Variants in KAZN observed in about 807,000 individuals in gnomAD.
KAZN encodes the protein kazrin, periplakin interacting protein.
KAZN carries 40 observed loss-of-function variants against 87.4 expected under a neutral mutation model. That is an observed-to-expected ratio of 0.46 (90% confidence interval 0.36 to 0.60). The LOEUF (loss-of-function observed/expected upper bound fraction) is 0.60, where lower values mean the gene tolerates loss of function less well. Among genes scored for constraint, KAZN ranks in the 20% least tolerant of loss-of-function variants. KAZN has a pLI of 0.00. For missense variants in KAZN, 898 were observed against 1,073.9 expected (o/e 0.84, Z 2.29); for synonymous variants, 466 against 458.3 (o/e 1.02, Z -0.22).
intron 1 of KAZN, among the ~76,000 whole-genome samples, chr1:14,828,735 C>T (rs1646969817): frequency 6.6e-6 from 1 of 152,172 alleles, no homozygotes; most frequent in African/African-American, 2.4e-5. Context: ...GTTGGTAGCA[C>T]TGGACGGGTA....
At chr1:15,069,385 A>C (rs9943244) in intron 8 of KAZN, among the ~76,000 whole-genome samples, 17,182 of 152,210 alleles carry the variant, frequency 0.11, 1,530 homozygotes, top group East Asian at 0.53. Flanking sequence ...CCCAGAGAGG[A>C]ATGACTTGGC....
At chr1:14,543,418 T>A (rs1027874668) in intron 2 of KAZN, among the ~76,000 whole-genome samples, 1 of 152,120 alleles carries the variant, frequency 6.6e-6, no homozygotes, top group Non-Finnish European at 1.5e-5. Flanking sequence ...AACTGTGAAG[T>A]TGGCTGGTCC....
At chr1:13,898,400 T>C (rs1639124395) in intron 1 of KAZN, among the ~76,000 whole-genome samples, 1 of 152,228 alleles carries the variant, frequency 6.6e-6, no homozygotes, top group Non-Finnish European at 1.5e-5. Context: ...CTTCATCTAT[T>C]GTGCCAAGTT....
chr1:14,536,336 C>T (rs1418326300), intron 2 of KAZN, among the ~76,000 whole-genome samples: 3 of 152,214 alleles, frequency 2.0e-5, no homozygotes, highest in Non-Finnish European at 4.4e-5. Context: ...GAATGTCCCT[C>T]ACCACATGTG....
At chr1:14,551,956 GTCTC>G (rs988041294) in intron 2 of KAZN, among the ~76,000 whole-genome samples, 6 of 152,044 alleles carry the variant, frequency 3.9e-5, no homozygotes, top group Non-Finnish European at 8.8e-5. Flanking sequence ...GATCATTAAA[GTCTC>G]TCTCTCTTCT....
intron 2 of KAZN, among the ~76,000 whole-genome samples, chr1:14,477,494 G>A (rs898513857): frequency 6.6e-5 from 10 of 150,936 alleles, no homozygotes; most frequent in Admixed American, 2.0e-4. Flanking sequence ...TCTCTTAAAT[G>A]TGCTTTTCAT....
Position 15,114,869 on chromosome 1 carries a change from G to C in KAZN, c.*234G>C. The C allele has an allele frequency of 4.6e-6, 2 of 433,498 alleles. No individual in the cohort carries two copies. Among genetic ancestry groups the C allele is most frequent in the Non-Finnish European group, 8.3e-6 (2 of 240,318 alleles). The allele number at this position is 433,498 out of a possible 1,614,324, so 26.9% of individuals were successfully genotyped here. A position where few individuals can be genotyped will look rare whatever the true frequency, so the allele number is the denominator to read the frequency against. Reference sequence around the variant, plus strand: ...GACTTTCCTGTTCAGCTGGAGATGGGCCCAGAGGACCTGTCACAGTGTCCG... The same window carrying C: ...GACTTTCCTGTTCAGCTGGAGATGGCCCCAGAGGACCTGTCACAGTGTCCG... On this transcript the variant is annotated 3_prime_UTR_variant, in exon 15 of 15. Coordinates refer to ENST00000376030, the MANE Select transcript of KAZN (RefSeq NM_201628.3).
At chr1:14,589,494 G>T (rs751447711) in intron 2 of KAZN, among the ~76,000 whole-genome samples, 1 of 152,234 alleles carries the variant, frequency 6.6e-6, no homozygotes, top group Non-Finnish European at 1.5e-5. Context: ...TATTAGGGCA[G>T]ATGGCTGCAG....
chr1:14,361,382 G>C (rs184365037), intron 2 of KAZN, among the ~76,000 whole-genome samples: 1 of 152,336 alleles, frequency 6.6e-6, no homozygotes, highest in Non-Finnish European at 1.5e-5. Flanking sequence ...TGTGGTGGTG[G>C]GACCTGCTGA....
chr1:14,004,717 G>A (rs527270191), intron 1 of KAZN, among the ~76,000 whole-genome samples: 9 of 151,708 alleles, frequency 5.9e-5, no homozygotes, highest in Admixed American at 2.6e-4. Flanking sequence ...TGTTTGCTAT[G>A]GTTTGAATGT....
At chr1:14,639,851 G>A (rs1280454484) in intron 1 of KAZN, among the ~76,000 whole-genome samples, 2 of 152,136 alleles carry the variant, frequency 1.3e-5, no homozygotes. Flanking sequence ...CTGCCTGCAG[G>A]GCTCCTCGTC....
At chr1:14,993,805 C>T (rs1667595822) in intron 2 of KAZN, among the ~76,000 whole-genome samples, 3 of 152,168 alleles carry the variant, frequency 2.0e-5, no homozygotes, top group African/African-American at 7.2e-5. Flanking sequence ...TAATTATCTC[C>T]CAAGGTCAGA....
chr1:14,483,474 T>G (rs1669188481), intron 2 of KAZN, among the ~76,000 whole-genome samples: 5 of 152,194 alleles, frequency 3.3e-5, no homozygotes, highest in Admixed American at 3.3e-4. Context: ...CCATGCTTCT[T>G]ATATATTTTG....
At chr1:14,688,085 A>G (rs1641063733) in intron 1 of KAZN, among the ~76,000 whole-genome samples, 1 of 152,068 alleles carries the variant, frequency 6.6e-6, no homozygotes, top group South Asian at 2.1e-4. Flanking sequence ...CGTGCCCTAG[A>G]CGTCTCTACT....
intron 2 of KAZN, among the ~76,000 whole-genome samples, chr1:14,462,281 T>C (rs986819773): frequency 6.6e-6 from 1 of 152,020 alleles, no homozygotes; most frequent in African/African-American, 2.4e-5. Flanking sequence ...TGGAGACCGT[T>C]TGTGGTTTAC....
intron 2 of KAZN, among the ~76,000 whole-genome samples, chr1:14,396,143 G>C (rs2101111543): frequency 7.0e-6 from 1 of 143,194 alleles, no homozygotes; most frequent in African/African-American, 2.6e-5. Flanking sequence ...TCTCCAGCCT[G>C]AGCGACAAGA....
chr1:14,780,447 G>T (rs1231995038), intron 1 of KAZN, among the ~76,000 whole-genome samples: 1 of 152,322 alleles, frequency 6.6e-6, no homozygotes, highest in African/African-American at 2.4e-5. Context: ...TCTGTTGAGT[G>T]AATGGATGAG....
intron 2 of KAZN, among the ~76,000 whole-genome samples, chr1:14,536,841 C>T (rs1450757478): frequency 1.3e-5 from 2 of 151,940 alleles, no homozygotes; most frequent in Admixed American, 1.3e-4. Context: ...GAGATCACGC[C>T]ATTGCACTCC....
chr1:14,163,028 T>C (rs189966309), intron 1 of KAZN, among the ~76,000 whole-genome samples: 1 of 152,116 alleles, frequency 6.6e-6, no homozygotes, highest in Non-Finnish European at 1.5e-5. Context: ...CATTTTATTA[T>C]TAGTAGCAAG....
Sources: allele counts gnomAD v4.1 joint callset (sites outside exome capture counted in the v4.1 genomes callset), GRCh38; gene constraint gnomAD v4.1.1; transcripts MANE v1.5; gene names NCBI Gene and HGNC (gene_info 2026-07-23, HGNC 2026-07-21).